Variants in UNC13C observed in about 807,000 individuals in gnomAD.
The protein encoded by UNC13C is protein unc-13 homolog C.
A neutral mutation model predicts 245.4 loss-of-function variants in UNC13C; 174 were observed. That is an observed-to-expected ratio of 0.71 (90% confidence interval 0.63 to 0.80). The LOEUF (loss-of-function observed/expected upper bound fraction) is 0.80. Ranked by LOEUF, UNC13C falls within the 30% of genes least tolerant of loss-of-function variation. The pLI is 0.00. For missense variants in UNC13C, 2,829 were observed against 2,602.9 expected (o/e 1.09, Z -1.89); for synonymous variants, 992 against 895.1 (o/e 1.11, Z -1.93).
At chr15:54,088,544 G>A (rs1355446374) in intron 2 of UNC13C, among the ~76,000 whole-genome samples, 1 of 152,120 alleles carries the variant, frequency 6.6e-6, no homozygotes, top group Non-Finnish European at 1.5e-5. Context: ...TATTGTTATT[G>A]TTGTTGGTAC....
chr15:54,533,442 A>C (rs1361780129), intron 26 of UNC13C, among the ~76,000 whole-genome samples: 1 of 152,216 alleles, frequency 6.6e-6, no homozygotes, highest in Non-Finnish European at 1.5e-5. Context: ...ATTTCATGTC[A>C]GAAACCTGAT....
chr15:54,526,459 C>A (rs1007938118), intron 25 of UNC13C, among the ~76,000 whole-genome samples: 2 of 152,074 alleles, frequency 1.3e-5, no homozygotes, highest in Non-Finnish European at 2.9e-5. Context: ...GGGCCGGGTA[C>A]GGTGGCTTAT....
chr15:54,622,081 T>G (rs1900831447), intron 30 of UNC13C, among the ~76,000 whole-genome samples: 1 of 152,188 alleles, frequency 6.6e-6, no homozygotes, highest in African/African-American at 2.4e-5. Context: ...ATCATAATAG[T>G]AACAGAATGT....
At chr15:54,150,420 C>CA (rs2032464712) in intron 4 of UNC13C, among the ~76,000 whole-genome samples, 1 of 152,202 alleles carries the variant, frequency 6.6e-6, no homozygotes, top group Admixed American at 6.5e-5. Flanking sequence ...TGTTAGTCCT[C>CA]AGCACACTGT....
At chr15:54,367,781 G>C (rs938380797) in intron 17 of UNC13C, among the ~76,000 whole-genome samples, 3 of 151,962 alleles carry the variant, frequency 2.0e-5, no homozygotes, top group Non-Finnish European at 4.4e-5. Context: ...TGTCTGTGAT[G>C]GTAGATATAT....
chr15:54,176,060 T>G (rs2033602711), intron 4 of UNC13C, among the ~76,000 whole-genome samples: 1 of 151,020 alleles, frequency 6.6e-6, no homozygotes, highest in Admixed American at 6.6e-5. Context: ...CTACTCTTTT[T>G]TTGTTGCTTG....
intron 2 of UNC13C, among the ~76,000 whole-genome samples, chr15:54,036,018 T>G (rs1896565016): frequency 6.6e-6 from 1 of 152,196 alleles, no homozygotes; most frequent in African/African-American, 2.4e-5. Flanking sequence ...AAAGAATTAT[T>G]GTCATTCTAG....
chr15:54,182,243 G>A (rs2033826292), intron 4 of UNC13C, among the ~76,000 whole-genome samples: 1 of 151,896 alleles, frequency 6.6e-6, no homozygotes, highest in African/African-American at 2.4e-5. Context: ...TTATACTGAA[G>A]GGATGTTGGA....
intron 19 of UNC13C, among the ~76,000 whole-genome samples, chr15:54,453,447 A>G (rs946981404): frequency 3.9e-5 from 6 of 152,310 alleles, no homozygotes; most frequent in Middle Eastern, 6.8e-3. Flanking sequence ...CCATCTTGAA[A>G]TCCCTCTTCA....
At chr15:54,135,810 A>G (rs1036995156) in intron 2 of UNC13C, among the ~76,000 whole-genome samples, 1 of 152,090 alleles carries the variant, frequency 6.6e-6, no homozygotes, top group African/African-American at 2.4e-5. Context: ...TATAAGTTTT[A>G]GAATTTTTTT....
chr15:53,996,160 A>C (rs1894623326), intron 1 of UNC13C, among the ~76,000 whole-genome samples: 1 of 152,228 alleles, frequency 6.6e-6, no homozygotes. Flanking sequence ...ATCCTTGGAA[A>C]GGAAGAATTC....
At chr15:54,579,044 G>T (rs1047056328) in intron 30 of UNC13C, among the ~76,000 whole-genome samples, 1 of 152,194 alleles carries the variant, frequency 6.6e-6, no homozygotes, top group Non-Finnish European at 1.5e-5. Context: ...AAATCCAGGT[G>T]AGACATGGCA....
chr15:54,075,415 CGGAG>C, intron 2 of UNC13C, among the ~76,000 whole-genome samples: 1 of 78,778 alleles, frequency 1.3e-5, no homozygotes, highest in African/African-American at 6.7e-5. Flanking sequence ...AACCTGAAGG[CGGAG>C]CTTGCAGTGA....
intron 28 of UNC13C, among the ~76,000 whole-genome samples, chr15:54,550,384 G>A (rs1412587787): frequency 6.6e-6 from 1 of 152,048 alleles, no homozygotes; most frequent in East Asian, 1.9e-4. Flanking sequence ...ATTGTTGTGA[G>A]TGTAAATGAG....
chr15:53,930,159 C>T, the UNC13C span, among the ~76,000 whole-genome samples: 1 of 152,162 alleles, frequency 6.6e-6, no homozygotes, highest in Non-Finnish European at 1.5e-5. Context: ...ATTGATTTCT[C>T]CTCCAGAGTT....
At chr15:54,208,560 A>C (rs1405460852) in intron 4 of UNC13C, among the ~76,000 whole-genome samples, 1 of 152,122 alleles carries the variant, frequency 6.6e-6, no homozygotes, top group African/African-American at 2.4e-5. Flanking sequence ...CCTGAATTCT[A>C]AGTAGAAATG....
At chr15:54,022,267 C>T (rs1256024955) in intron 2 of UNC13C, among the ~76,000 whole-genome samples, 3 of 152,018 alleles carry the variant, frequency 2.0e-5, no homozygotes, top group Admixed American at 6.6e-5. Flanking sequence ...TCTTTTTGAT[C>T]GTCATTGAAA....
chr15:53,995,745 G>A (rs1894601911), intron 1 of UNC13C, among the ~76,000 whole-genome samples: 1 of 152,040 alleles, frequency 6.6e-6, no homozygotes, highest in African/African-American at 2.4e-5. Flanking sequence ...AGTAGTTAAT[G>A]GTTTCAGATG....
intron 19 of UNC13C, among the ~76,000 whole-genome samples, chr15:54,425,251 C>T (rs147789918): frequency 4.0e-5 from 6 of 151,744 alleles, no homozygotes; most frequent in Admixed American, 1.3e-4. Context: ...TCAATGACAC[C>T]GTGACCCCAA....
Sources: allele counts gnomAD v4.1 joint callset (sites outside exome capture counted in the v4.1 genomes callset), GRCh38; gene constraint gnomAD v4.1.1; transcripts MANE v1.5; gene names NCBI Gene and HGNC (gene_info 2026-07-23, HGNC 2026-07-21).